The following USP47 variants were observed in gnomAD, a reference collection of about 807,000 sequenced individuals.
USP47 encodes the protein ubiquitin carboxyl-terminal hydrolase 47.
In USP47, 35 loss-of-function variants were observed where a neutral mutation model predicts 165.1. The ratio of observed to expected loss-of-function variants is 0.21; its 90% CI spans 0.16 to 0.28. The LOEUF (loss-of-function observed/expected upper bound fraction) is 0.28, where lower values mean the gene tolerates loss of function less well. Ranked by LOEUF, USP47 falls within the 10% of genes least tolerant of loss-of-function variation. The probability of loss-of-function intolerance (pLI) is 1.00; values close to 1 mark genes in which losing one functional copy is unlikely to be tolerated. For missense variants in USP47, 1,277 were observed against 1,607.4 expected (o/e 0.79, Z 3.52); for synonymous variants, 531 against 544.5 (o/e 0.98, Z 0.35).
chr11:11,900,905 G>C (rs1458790577), intron 5 of USP47, among the ~76,000 whole-genome samples: 1 of 152,154 alleles, frequency 6.6e-6, no homozygotes, highest in Non-Finnish European at 1.5e-5. Context: ...AGAAATTTGA[G>C]CATTTTCTGT....
At chr11:11,882,736 A>G (rs1469248549) in intron 2 of USP47, among the ~76,000 whole-genome samples, 1 of 152,078 alleles carries the variant, frequency 6.6e-6, no homozygotes, top group African/African-American at 2.4e-5. Flanking sequence ...CACCACTTAT[A>G]GTTCCTTTTT....
rs2134765566 is a variant in USP47, at chr11:11,940,433, T to G, written c.2198T>G (p.Ile733Ser). The G allele has an allele frequency of 6.2e-7, 1 of 1,606,632 alleles. No individual in the cohort carries two copies. The change falls in exon 19 of 28, where the codon ATC becomes AGC. Residue 733 changes from isoleucine to serine, a missense_variant. Physicochemically the swap from Ile to Ser is moderately radical, Grantham distance 142 (BLOSUM62 -2). This residue lies in a region of USP47 where 909 missense variants were observed against 1,068.1 expected (regional missense o/e 0.85). Coordinates refer to ENST00000527733, the MANE Select transcript of USP47 (RefSeq NM_001282659.2). ...ATTAAATTGCTTTCATTATAGGCCA[T>G]CCATTTACCTGCTGAAACAATGAGA... is the stretch of plus-strand genomic sequence containing the variant. ...TEFKQLISKAIHLPAETMRIV... is the reference protein window; with the variant it reads ...TEFKQLISKASHLPAETMRIV...
chr11:11,885,850 T>C (rs1318345653), intron 3 of USP47, among the ~76,000 whole-genome samples: 1 of 152,100 alleles, frequency 6.6e-6, no homozygotes, highest in Non-Finnish European at 1.5e-5. Context: ...CAGCAACAGT[T>C]CAGGACCCCC....
At chr11:11,926,832 G>A (rs1028591656) in intron 11 of USP47, among the ~76,000 whole-genome samples, 1 of 148,828 alleles carries the variant, frequency 6.7e-6, no homozygotes, top group Admixed American at 6.7e-5. Context: ...TTTAATGTAG[G>A]CACTTACATC....
At chr11:11,903,758 G>A (rs1852374381) in intron 7 of USP47, among the ~76,000 whole-genome samples, 1 of 152,172 alleles carries the variant, frequency 6.6e-6, no homozygotes, top group African/African-American at 2.4e-5. Context: ...ATAGTCATAT[G>A]TATTTGACAT....
chr11:11,842,600 G>C (rs970774674), intron 1 of USP47, among the ~76,000 whole-genome samples: 1 of 152,214 alleles, frequency 6.6e-6, no homozygotes, highest in Admixed American at 6.5e-5. Flanking sequence ...GCAGGGTGAC[G>C]GTGCTGCTTC....
chr11:11,902,539 A>G (rs576699570), intron 5 of USP47, among the ~76,000 whole-genome samples, 176 bp from the exon 6 acceptor site: 1 of 152,256 alleles, frequency 6.6e-6, no homozygotes, highest in East Asian at 1.9e-4. Flanking sequence ...GTTCTTCTGA[A>G]TTTATGAATT....
At position 11,880,957 on chromosome 11, in the gene USP47, G is replaced by T. The variant is rs550259855; in HGVS notation, c.243+577G>T. On this transcript the variant is annotated intron_variant, in intron 2 of 27. Transcript: ENST00000527733. Reference sequence around the variant, plus strand: ...TCTTAAGCTTAAAAACATTTTTAACGACTGCAGTCTTGTCAGATCTCTTTG... The same window carrying T: ...TCTTAAGCTTAAAAACATTTTTAACTACTGCAGTCTTGTCAGATCTCTTTG... 2.0e-5 allele frequency among the ~76,000 whole-genome samples: 3 copies of T among 152,126 alleles called. No homozygotes were observed. In the South Asian group the frequency reaches 6.2e-4, roughly 32 times the overall value.
In USP47 at chr11:11,871,810, C is replaced by G. The variant is rs1437582848; in HGVS notation, c.40-8367C>G. Among the ~76,000 whole-genome samples the G allele has an allele frequency of 2.0e-5, 3 of 152,158 alleles. No individual in the cohort carries two copies. In the East Asian group the frequency reaches 5.8e-4, roughly 29 times the overall value. On this transcript the variant is annotated intron_variant, in intron 1 of 27. Coordinates refer to ENST00000527733, the MANE Select transcript of USP47 (RefSeq NM_001282659.2). Reference sequence around the variant, plus strand: ...GGGAGATTGCTGGACTCCACCTGCACTCTCCCTCCCTGCACTGCAGCCTAG... The same window carrying G: ...GGGAGATTGCTGGACTCCACCTGCAGTCTCCCTCCCTGCACTGCAGCCTAG...
At chr11:11,947,854 A>G (rs961059197) in intron 20 of USP47, 91 bp from the exon 21 acceptor site, 3 of 1,342,042 alleles carry the variant, frequency 2.2e-6, no homozygotes, top group Non-Finnish European at 3.0e-6. Context: ...TACTGCATAC[A>G]GTGTAATAAA....
intron 8 of USP47, among the ~76,000 whole-genome samples, chr11:11,913,901 A>AT (rs2134540393): frequency 6.6e-6 from 1 of 152,244 alleles, no homozygotes; most frequent in East Asian, 1.9e-4. Context: ...TGTCAAAAAA[A>AT]CTTTGAAAAG....
intron 25 of USP47, among the ~76,000 whole-genome samples, chr11:11,954,062 C>T (rs953115396): frequency 8.6e-5 from 13 of 151,884 alleles, no homozygotes; most frequent in Non-Finnish European, 1.2e-4. Flanking sequence ...CCAGCCTGGC[C>T]AACATGGTGA....
chr11:11,865,887 G>C (rs1849649473), intron 1 of USP47, among the ~76,000 whole-genome samples: 1 of 151,884 alleles, frequency 6.6e-6, no homozygotes, highest in Admixed American at 6.6e-5. Flanking sequence ...TTTTTCTGTT[G>C]TTATGTTATA....
chr11:11,938,293 C>G lies in USP47; in HGVS notation c.2114C>G (p.Ala705Gly), dbSNP rs571308316. ...MVKVHVVDLK[A>G]ESVAAPITVR... The stretch of plus-strand genomic sequence containing the variant: ...AAAGTTCATGTTGTTGATCTAAAGG[C>G]AGAATCTGTAGCTGCTCCTATAACT... Residue 705 changes from alanine (A) to glycine (G), a missense_variant, in exon 18 of 28, where the codon GCA becomes GGA. This residue lies in a region of USP47 where 909 missense variants were observed against 1,068.1 expected (regional missense o/e 0.85). Coordinates refer to ENST00000527733, the MANE Select transcript of USP47 (RefSeq NM_001282659.2). 28 of 1,612,208 alleles carry G rather than the reference C, an allele frequency of 1.7e-5. No homozygotes were observed. In the East Asian group the frequency reaches 6.2e-4, roughly 36 times the overall value.
At chr11:11,875,333 GAA>G (rs1310087954) in intron 1 of USP47, among the ~76,000 whole-genome samples, 1 of 151,916 alleles carries the variant, frequency 6.6e-6, no homozygotes, top group Non-Finnish European at 1.5e-5. Flanking sequence ...TCTTTAATAA[GAA>G]ATACATAGGA....
chr11:11,915,008 G>C (rs775961530), intron 8 of USP47, among the ~76,000 whole-genome samples: 6 of 152,052 alleles, frequency 3.9e-5, no homozygotes, highest in Non-Finnish European at 7.4e-5. Context: ...TGAAATTTAT[G>C]TTTACATGAA....
Position 11,942,683 on chromosome 11 carries a change from A to G in USP47, c.2662A>G (p.Ile888Val), listed in dbSNP as rs781126825. ...TACTGAGACAAGTGACTTTGAAAACATCGAATCACCTCTCAATGAGAGGGA... is the reference window on the plus strand; with the variant it reads ...TACTGAGACAAGTGACTTTGAAAACGTCGAATCACCTCTCAATGAGAGGGA... ...KSTETSDFEN[I>V]ESPLNERDSS... The change falls in exon 20 of 28, where the codon ATC becomes GTC. Residue 888 changes from isoleucine to valine, a missense_variant. By Grantham distance (29) the Ile-to-Val change is conservative. Coordinates refer to ENST00000527733, the MANE Select transcript of USP47 (RefSeq NM_001282659.2). The G allele has an allele frequency of 1.9e-6, 3 of 1,613,622 alleles. No homozygotes were observed. Among genetic ancestry groups the G allele is most frequent in the African/African-American group, 1.3e-5 (1 of 75,042 alleles).
chr11:11,933,173 T>A, intron 15 of USP47, 57 bp downstream of exon 15: 1 of 1,377,152 alleles, frequency 7.3e-7, no homozygotes, highest in South Asian at 1.2e-5. Flanking sequence ...CTCGCTTACC[T>A]GCAATTCTAA....
At chr11:11,929,263 A>G (rs1356805806) in intron 11 of USP47, among the ~76,000 whole-genome samples, 171 bp from the exon 12 acceptor site, 1 of 152,120 alleles carries the variant, frequency 6.6e-6, no homozygotes, top group Non-Finnish European at 1.5e-5. Flanking sequence ...TCTGGTATAT[A>G]CAGTTGTTTG....
Sources: allele counts gnomAD v4.1 joint callset (sites outside exome capture counted in the v4.1 genomes callset), GRCh38; gene constraint gnomAD v4.1.1; regional missense constraint gnomAD v4.1.1; transcripts MANE v1.5; gene names NCBI Gene and HGNC (gene_info 2026-07-23, HGNC 2026-07-21).